The following URI1 variants were observed in gnomAD, a reference collection of about 807,000 sequenced individuals.
URI1 encodes URI1 prefoldin like chaperone.
URI1 carries 39 observed loss-of-function variants against 60.2 expected under a neutral mutation model. The ratio of observed to expected loss-of-function variants is 0.65; its 90% CI spans 0.50 to 0.85. URI1 has a LOEUF of 0.85. URI1 is among the 40% of genes least tolerant of loss of function. URI1 has a pLI of 0.00. For missense variants in URI1, 691 were observed against 665.9 expected (o/e 1.04, Z -0.42); for synonymous variants, 251 against 236.8 (o/e 1.06, Z -0.55).
At position 30,012,461 on chromosome 19, in the gene URI1, G is replaced by A; in HGVS notation, c.1355G>A (p.Ser452Asn). 1.2e-6 allele frequency: 2 copies of A among 1,614,206 alleles called. No homozygotes were observed. The highest frequency in any genetic ancestry group is 1.1e-5 in the South Asian group (1 of 91,084). ...SCEEATCSDT[S>N]ESILEEEPQE... The stretch of plus-strand genomic sequence containing the variant: ...GAAGAAGCCACTTGCAGTGACACCA[G>A]TGAGAGCATTTTGGAAGAGGAACCA... Residue 452 changes from serine (S) to asparagine (N), a missense_variant, in exon 10 of 11, where the codon AGT becomes AAT. Transcript: ENST00000392271.
intron 1 of URI1, among the ~76,000 whole-genome samples, chr19:29,958,333 T>A (rs2055277105): frequency 6.6e-6 from 1 of 152,232 alleles, no homozygotes; most frequent in African/African-American, 2.4e-5. Flanking sequence ...TTTAAGTATT[T>A]CACCATACAG....
chr19:30,006,351 T>A (rs1200301495), intron 6 of URI1, among the ~76,000 whole-genome samples: 1 of 152,148 alleles, frequency 6.6e-6, no homozygotes, highest in Non-Finnish European at 1.5e-5. Context: ...TACAGTGTCT[T>A]AAACAAATGT....
chr19:30,013,856 A>G (rs926638621), intron 10 of URI1, among the ~76,000 whole-genome samples: 68 of 152,194 alleles, frequency 4.5e-4, no homozygotes, highest in African/African-American at 1.6e-3. Context: ...TACCAGTTGA[A>G]CTCCAAAAAT....
Position 30,011,163 on chromosome 19 carries a change from C to G in URI1, c.1105C>G (p.Arg369Gly). 2 of 1,612,456 alleles carry G rather than the reference C, an allele frequency of 1.2e-6. No homozygotes were observed. The highest frequency in any genetic ancestry group is 1.7e-6 in the Non-Finnish European group (2 of 1,179,388). The change falls in exon 9 of 11, where the codon CGA becomes GGA. Residue 369 changes from arginine to glycine, a missense_variant. Physicochemically the swap from Arg to Gly is moderately radical, Grantham distance 125. Coordinates refer to ENST00000392271, the MANE Select transcript of URI1 (RefSeq NM_003796.3). The stretch of plus-strand genomic sequence containing the variant: ...AAAGAAAGAAGAAGCCAAACGTAAA[C>G]GAAAGAACAGCACTGGCAGTGGCCA... ...SEKKEEAKRKRKNSTGSGHSA... is the reference protein window; with the variant it reads ...SEKKEEAKRKGKNSTGSGHSA...
At position 30,011,635 on chromosome 19, in the gene URI1, CT is replaced by C. The variant is rs977485477; in HGVS notation, c.1178+407del. Among the ~76,000 whole-genome samples the C allele has an allele frequency of 6.8e-5, 10 of 146,054 alleles. No individual in the cohort carries two copies. In the East Asian group the frequency reaches 1.6e-3, roughly 23 times the overall value. ...CTGTTGCAGGTTTTTTTTTTTTTTCCTTTTTTTTGGAATTGTTTGTTGAGAA... is the reference window on the plus strand; with the variant it reads ...CTGTTGCAGGTTTTTTTTTTTTTTCCTTTTTTTGGAATTGTTTGTTGAGAA... On this transcript the variant is annotated intron_variant, in intron 9 of 10. Transcript: ENST00000392271.
At chr19:29,965,503 G>A (rs750818322) in intron 1 of URI1, among the ~76,000 whole-genome samples, 4 of 152,162 alleles carry the variant, frequency 2.6e-5, no homozygotes, top group Non-Finnish European at 4.4e-5. Flanking sequence ...CATATTCATT[G>A]TTGACAAAAC....
intron 4 of URI1, among the ~76,000 whole-genome samples, 195 bp from the exon 5 acceptor site, chr19:30,005,166 G>A (rs1345774315): frequency 6.6e-6 from 1 of 151,952 alleles, no homozygotes; most frequent in African/African-American, 2.4e-5. Context: ...TACGAACAAA[G>A]TAATGTGCTA....
intron 7 of URI1, 136 bp from the exon 8 acceptor site, chr19:30,008,869 T>C: frequency 1.3e-6 from 1 of 753,944 alleles, no homozygotes; most frequent in Non-Finnish European, 2.0e-6. Context: ...ATTTTTTTGT[T>C]TTTGAACTTA....
chr19:29,941,160 ATC>A (rs1219730822), upstream of URI1, among the ~76,000 whole-genome samples: 2 of 152,232 alleles, frequency 1.3e-5, no homozygotes, highest in Non-Finnish European at 2.9e-5. Context: ...CTCTGCAGGC[ATC>A]TCTCTGCCTA....
rs34327695 is a variant in URI1 at position 29,988,167 on chromosome 19, CAA to C, written c.367+1765_367+1766del. Among the ~76,000 whole-genome samples, 220 of 140,528 alleles carry C rather than the reference CAA, an allele frequency of 1.6e-3. 1 individual carries two copies. The highest frequency in any genetic ancestry group is 5.6e-3 in the African/African-American group (212 of 37,910). 92.2% of individuals were successfully genotyped at this position (140,528 alleles called of 152,430 possible). A position where few individuals can be genotyped will look rare whatever the true frequency, so the allele number is the denominator to read the frequency against. On this transcript the variant is annotated intron_variant, in intron 4 of 10. Transcript: ENST00000392271. Reference sequence around the variant, plus strand: ...TGGGCAACAAAGCGAAATTTTGTCTCAAAAAAAAAAAAAAAATTACGTAAAGC... The same window carrying C: ...TGGGCAACAAAGCGAAATTTTGTCTCAAAAAAAAAAAAAATTACGTAAAGC...
intron 4 of URI1, among the ~76,000 whole-genome samples, chr19:29,992,804 G>A (rs1213218044): frequency 6.6e-6 from 1 of 152,092 alleles, no homozygotes; most frequent in Non-Finnish European, 1.5e-5. Flanking sequence ...ACAAGTTTTT[G>A]GTAATTTTGT....
At chr19:29,985,371 C>A in intron 3 of URI1, 70 bp downstream of exon 3, 1 of 1,332,732 alleles carries the variant, frequency 7.5e-7, no homozygotes, top group Non-Finnish European at 1.1e-6. Flanking sequence ...TGTCGGTTCA[C>A]AGAATGTCAG....
At chr19:29,971,463 C>CCTT (rs34929048) in intron 2 of URI1, among the ~76,000 whole-genome samples, 4,065 of 151,880 alleles carry the variant, frequency 0.027, 182 homozygotes, top group African/African-American at 0.093. Context: ...ATTCTAAGTG[C>CCTT]CTTTTCTTTT....
intron 1 of URI1, among the ~76,000 whole-genome samples, chr19:29,923,937 C>G (rs746406505): frequency 3.9e-5 from 6 of 152,102 alleles, no homozygotes; most frequent in Non-Finnish European, 8.8e-5. Context: ...GATTAGGAGC[C>G]TAAGAAGTCC....
intron 1 of URI1, among the ~76,000 whole-genome samples, chr19:29,945,994 A>G (rs2055098452): frequency 6.6e-6 from 1 of 152,152 alleles, no homozygotes; most frequent in East Asian, 1.9e-4. Context: ...CCGGTTAGGC[A>G]GGTTTATTTC....
At chr19:29,940,375 G>A (rs1032818152), upstream of URI1, among the ~76,000 whole-genome samples, 7 of 152,268 alleles carry the variant, frequency 4.6e-5, no homozygotes, top group South Asian at 4.1e-4. Context: ...CAGGAGAGGC[G>A]TGGTGGCTCT....
intron 2 of URI1, among the ~76,000 whole-genome samples, chr19:29,978,724 G>A (rs2055556193): frequency 6.6e-6 from 1 of 152,146 alleles, no homozygotes; most frequent in African/African-American, 2.4e-5. Context: ...AATGTAGGCT[G>A]TGAAAAATGG....
intron 1 of URI1, among the ~76,000 whole-genome samples, chr19:29,943,640 T>C (rs1568407841): frequency 6.6e-6 from 1 of 152,144 alleles, no homozygotes; most frequent in Non-Finnish European, 1.5e-5. Flanking sequence ...AAAAATATAC[T>C]CAGTTCTACT....
chr19:30,014,013 A>T (rs1456002216), intron 10 of URI1, among the ~76,000 whole-genome samples: 2 of 152,126 alleles, frequency 1.3e-5, no homozygotes, highest in African/African-American at 2.4e-5. Context: ...TGTACATTAA[A>T]GTTCACCTGT....
Sources: gnomAD v4.1 joint callset for allele counts (sites outside exome capture counted in the v4.1 genomes callset) on GRCh38, gnomAD v4.1.1 for gene constraint, MANE v1.5 for transcripts, NCBI Gene and HGNC (gene_info 2026-07-23, HGNC 2026-07-21) for gene names.